Variants in DRC8 observed in about 807,000 individuals in gnomAD.
DRC8 encodes dynein regulatory complex subunit 8.
the DRC8 span, chr1:245,002,115 T>C: frequency 3.1e-6 from 5 of 1,595,280 alleles, no homozygotes; most frequent in Admixed American, 5.3e-5. Context: ...GTCTCCTTTA[T>C]GCTAGGGCCT....
At chr1:244,983,025 G>A in the DRC8 span, among the ~76,000 whole-genome samples, 4 of 151,960 alleles carry the variant, frequency 2.6e-5, no homozygotes, top group Non-Finnish European at 4.4e-5. Context: ...AGCTGATATC[G>A]CGCCATTGCA....
the DRC8 span, among the ~76,000 whole-genome samples, chr1:244,974,524 T>G: frequency 6.6e-6 from 1 of 152,376 alleles, no homozygotes; most frequent in East Asian, 1.9e-4. Flanking sequence ...TTACAAGGTT[T>G]GTTGTTTTGT....
chr1:244,979,031 G>A, the DRC8 span, among the ~76,000 whole-genome samples: 3 of 152,092 alleles, frequency 2.0e-5, no homozygotes, highest in Non-Finnish European at 4.4e-5. Context: ...TGCCTGGGGA[G>A]AGTCACCTGA....
the DRC8 span, among the ~76,000 whole-genome samples, chr1:244,983,824 A>T: frequency 6.6e-6 from 1 of 151,830 alleles, no homozygotes; most frequent in South Asian, 2.1e-4. Context: ...TATGGTCACT[A>T]TGATTTACTT....
the DRC8 span, among the ~76,000 whole-genome samples, chr1:245,104,698 T>C: frequency 6.6e-6 from 1 of 152,190 alleles, no homozygotes; most frequent in Non-Finnish European, 1.5e-5. Context: ...ATAAATGCTT[T>C]GATGTTATCT....
the DRC8 span, among the ~76,000 whole-genome samples, chr1:245,098,169 G>A: frequency 6.6e-6 from 1 of 152,190 alleles, no homozygotes; most frequent in Non-Finnish European, 1.5e-5. Context: ...CACCAAGAAT[G>A]ATCACAAGGT....
At chr1:245,067,296 C>G in the DRC8 span, among the ~76,000 whole-genome samples, 17 of 152,050 alleles carry the variant, frequency 1.1e-4, no homozygotes, top group African/African-American at 4.1e-4. Context: ...CCACGCCTGG[C>G]CCAATACATG....
the DRC8 span, among the ~76,000 whole-genome samples, chr1:245,097,947 T>C: frequency 5.3e-5 from 8 of 152,212 alleles, no homozygotes; most frequent in Admixed American, 1.3e-4. The surrounding 1 kb of genome is among the most constrained non-coding windows in gnomAD (Gnocchi z 5.0). Context: ...ATGAAGGGCC[T>C]TGTGGGCCAG....
chr1:245,080,951 CAG>C, the DRC8 span, among the ~76,000 whole-genome samples: 1 of 152,108 alleles, frequency 6.6e-6, no homozygotes, highest in African/African-American at 2.4e-5. Context: ...AATGTGTCAG[CAG>C]AGAGTCTTCG....
At chr1:245,036,179 C>T in the DRC8 span, among the ~76,000 whole-genome samples, 1 of 152,062 alleles carries the variant, frequency 6.6e-6, no homozygotes, top group South Asian at 2.1e-4. Context: ...AAAAAACTGA[C>T]AACAATAAAA....
At chr1:245,098,888 A>T in the DRC8 span, among the ~76,000 whole-genome samples, 10 of 152,194 alleles carry the variant, frequency 6.6e-5, no homozygotes, top group Non-Finnish European at 1.2e-4. Context: ...TGTCGAAAGT[A>T]AGCCCTTCAC....
At chr1:245,086,656 G>C in the DRC8 span, 5 of 507,460 alleles carry the variant, frequency 9.9e-6, no homozygotes, top group Admixed American at 1.0e-4. Flanking sequence ...GCATGTTGCT[G>C]CTTCTATGCC....
chr1:245,114,375 G>A, the DRC8 span, among the ~76,000 whole-genome samples: 1 of 151,900 alleles, frequency 6.6e-6, no homozygotes, highest in African/African-American at 2.4e-5. Flanking sequence ...TGAGGCAGAA[G>A]AATTGCTTGA....
the DRC8 span, among the ~76,000 whole-genome samples, chr1:245,069,769 T>G: frequency 1.3e-5 from 2 of 152,178 alleles, no homozygotes; most frequent in African/African-American, 4.8e-5. Flanking sequence ...GGGCTGGGCA[T>G]GGGGGTGCAC....
At chr1:245,013,247 GTCTC>G in the DRC8 span, among the ~76,000 whole-genome samples, 1 of 152,108 alleles carries the variant, frequency 6.6e-6, no homozygotes, top group Non-Finnish European at 1.5e-5. Flanking sequence ...ATTTTTCTTT[GTCTC>G]TCTCTTGGGC....
chr1:245,059,406 G>C, the DRC8 span: 1 of 1,611,592 alleles, frequency 6.2e-7, no homozygotes. Flanking sequence ...ACAATTATCA[G>C]GTCATTAGGA....
At chr1:245,046,194 T>C in the DRC8 span, among the ~76,000 whole-genome samples, 1 of 152,212 alleles carries the variant, frequency 6.6e-6, no homozygotes, top group Admixed American at 6.5e-5. Context: ...TCTAATGTCT[T>C]GTTTTCTTAT....
the DRC8 span, among the ~76,000 whole-genome samples, chr1:245,114,873 A>G: frequency 1.4e-3 from 209 of 151,330 alleles, no homozygotes; most frequent in Admixed American, 2.6e-3. Flanking sequence ...CTAGAGGCAC[A>G]TGCCACCATG....
the DRC8 span, among the ~76,000 whole-genome samples, chr1:245,057,035 G>A: frequency 6.6e-6 from 1 of 152,090 alleles, no homozygotes; most frequent in African/African-American, 2.4e-5. Context: ...TCCAAAAAAA[G>A]GGAAGTGATG....
Sources: allele counts gnomAD v4.1 joint callset (sites outside exome capture counted in the v4.1 genomes callset), GRCh38; gene constraint gnomAD v4.1.1; non-coding constraint Gnocchi (gnomAD v3.1); transcripts MANE v1.5; gene names NCBI Gene and HGNC (gene_info 2026-07-23, HGNC 2026-07-21).